ZZEF1: variants seen among roughly 807,000 people sequenced by gnomAD.
The protein encoded by ZZEF1 is zinc finger ZZ-type and EF-hand domain-containing protein 1.
ZZEF1 carries 157 observed loss-of-function variants against 342.8 expected under a neutral mutation model. The observed-to-expected ratio is 0.46, with a 90% confidence interval of 0.40 to 0.52. The LOEUF is 0.52. Among genes scored for constraint, ZZEF1 ranks in the 20% least tolerant of loss-of-function variants. The pLI is 0.00. For synonymous variants in ZZEF1, 1,505 were observed against 1,429.1 expected, an observed-to-expected ratio of 1.05 and a Z score of -1.20; for missense variants, 3,480 against 3,725.6, an observed-to-expected ratio of 0.93 and a Z score of 1.72.
At chr17:4,047,478 T>C (rs964370330) in intron 37 of ZZEF1, among the ~76,000 whole-genome samples, 6 of 151,902 alleles carry the variant, frequency 3.9e-5, no homozygotes, top group Non-Finnish European at 7.4e-5. Flanking sequence ...ACCCCATCCC[T>C]ACAAAAACTA....
intron 29 of ZZEF1, among the ~76,000 whole-genome samples, chr17:4,064,150 A>G (rs2057343021): frequency 6.6e-6 from 1 of 151,694 alleles, no homozygotes; most frequent in Non-Finnish European, 1.5e-5. Flanking sequence ...CAAACTGCTG[A>G]GATTATAGGC....
chr17:4,027,448 C>T (rs2056436404), intron 42 of ZZEF1, among the ~76,000 whole-genome samples: 1 of 151,734 alleles, frequency 6.6e-6, no homozygotes, highest in East Asian at 1.9e-4. Context: ...GCGCACACCA[C>T]CACGTGTGGC....
At chr17:4,128,455 G>GT (rs1219337491) in intron 1 of ZZEF1, among the ~76,000 whole-genome samples, 8 of 49,592 alleles carry the variant, frequency 1.6e-4, no homozygotes, top group South Asian at 2.0e-3. Flanking sequence ...TTTTTCTAAA[G>GT]TTGTTTTTTT....
intron 39 of ZZEF1, among the ~76,000 whole-genome samples, chr17:4,040,438 T>C (rs1338122730): frequency 6.6e-6 from 1 of 152,110 alleles, no homozygotes; most frequent in Admixed American, 6.6e-5. Flanking sequence ...AACCAAGTGA[T>C]CCAGAGCTAA....
chr17:4,059,895 C>T (rs756587451), intron 30 of ZZEF1, among the ~76,000 whole-genome samples: 23 of 152,214 alleles, frequency 1.5e-4, no homozygotes, highest in Non-Finnish European at 3.2e-4. Flanking sequence ...CTACTCTGAC[C>T]CCAGCTCTCC....
rs910148055 is a variant in ZZEF1 at position 4,014,606 on chromosome 17, G to A, written c.8146-91C>T. ...CATGCCGAGTCCTGTGGCTGGACCC[G>A]GGTGTGTGAGAATGAGTGAACCACA... On this transcript the variant is annotated intron_variant, in intron 49 of 54. Transcript: ENST00000381638. The surrounding 1 kb of genome is among the most constrained non-coding windows in gnomAD (Gnocchi z 4.4). 1.7e-5 allele frequency: 24 copies of A among 1,392,004 alleles called. No individual in the cohort carries two copies. Among genetic ancestry groups the A allele is most frequent in the Non-Finnish European group, 2.0e-5 (20 of 995,564 alleles). 86.2% of individuals were successfully genotyped at this position (1,392,004 alleles called of 1,614,324 possible).
intron 41 of ZZEF1, 64 bp downstream of exon 41, chr17:4,032,764 C>T: frequency 1.3e-6 from 2 of 1,555,920 alleles, no homozygotes; most frequent in Non-Finnish European, 1.8e-6. Flanking sequence ...GCCACAGAGG[C>T]TTTGGTGTGT....
rs376409947 is a variant in ZZEF1, at chr17:4,076,740, A to C, written c.3131T>G (p.Phe1044Cys). 6.2e-7 allele frequency: 1 copy of C among 1,610,862 alleles called. No individual in the cohort carries two copies. Among genetic ancestry groups the C allele is most frequent in the African/African-American group, 1.3e-5 (1 of 74,494 alleles). Reference sequence around the variant, plus strand: ...GCAGTGTGGGATGTCTAAAGTGCAGAAGTCCAGCAGGAAGATAACCTAATG... The same window carrying C: ...GCAGTGTGGGATGTCTAAAGTGCAGCAGTCCAGCAGGAAGATAACCTAATG... ...ARQLVIFLLD[F>C]CTLDIPHCVL... Residue 1044 changes from phenylalanine (F) to cysteine (C), a missense_variant, in exon 21 of 55, where the codon TTC becomes TGC. This residue lies in a region of ZZEF1 where 1,528 missense variants were observed against 1,624.1 expected (regional missense o/e 0.94). Coordinates refer to ENST00000381638, the MANE Select transcript of ZZEF1 (RefSeq NM_015113.4).
chr17:4,086,288 AATCCCTTTCTGGGGGATTCCCACAGCG>A (rs1567828238), intron 15 of ZZEF1, among the ~76,000 whole-genome samples, 171 bp downstream of exon 15: 11 of 26,576 alleles, frequency 4.1e-4, no homozygotes, highest in African/African-American at 9.6e-4. Flanking sequence ...CCACAGCGGC[AATCCCTTTCTGGGGGATTCCCACAGCG>A]GCAATCCCTT....
At chr17:4,105,893 A>C (rs1182347234) in intron 6 of ZZEF1, 84 bp from the exon 7 acceptor site, 2 of 1,080,080 alleles carry the variant, frequency 1.9e-6, no homozygotes, top group African/African-American at 3.2e-5. Flanking sequence ...GCTTGTTTTG[A>C]CTAATCCCTT....
intron 37 of ZZEF1, among the ~76,000 whole-genome samples, chr17:4,045,549 A>G (rs1186368348): frequency 6.6e-6 from 1 of 152,204 alleles, no homozygotes; most frequent in Admixed American, 6.5e-5. Flanking sequence ...GAAATATGAC[A>G]TTGTTTTCAC....
chr17:4,136,419 G>A (rs2145613109), intron 1 of ZZEF1, among the ~76,000 whole-genome samples: 1 of 152,044 alleles, frequency 6.6e-6, no homozygotes, highest in South Asian at 2.1e-4. Context: ...CAGTAACACT[G>A]CCAATTACAA....
At chr17:4,022,608 G>A in intron 44 of ZZEF1, 101 bp downstream of exon 44, 1 of 1,555,782 alleles carries the variant, frequency 6.4e-7, no homozygotes, top group Non-Finnish European at 8.8e-7. Flanking sequence ...CTAAAGGAGT[G>A]TGCACAGGGC....
At chr17:4,126,680 T>C (rs2058578455) in intron 1 of ZZEF1, among the ~76,000 whole-genome samples, 1 of 152,178 alleles carries the variant, frequency 6.6e-6, no homozygotes, top group African/African-American at 2.4e-5. Flanking sequence ...CTGGGCCAGG[T>C]GTGCTGGCTC....
At chr17:4,086,411 C>A in intron 15 of ZZEF1, 75 bp downstream of exon 15, 1 of 1,486,502 alleles carries the variant, frequency 6.7e-7, no homozygotes, top group Non-Finnish European at 9.2e-7. Context: ...CGTAGGACAG[C>A]CCTCTTCTCT....
At chr17:4,033,156 G>A in intron 40 of ZZEF1, 154 bp from the exon 41 acceptor site, 1 of 684,012 alleles carries the variant, frequency 1.5e-6, no homozygotes, top group East Asian at 2.7e-5. Flanking sequence ...GTATAATGGT[G>A]AGTAAAAGAG....
chr17:4,038,348 T>C (rs1043758620), intron 39 of ZZEF1, among the ~76,000 whole-genome samples: 1 of 152,234 alleles, frequency 6.6e-6, no homozygotes. Context: ...CTCATAGTAT[T>C]GTCTGGAGTA....
intron 33 of ZZEF1, among the ~76,000 whole-genome samples, chr17:4,055,784 C>T (rs2057144731): frequency 6.6e-6 from 1 of 152,174 alleles, no homozygotes. Flanking sequence ...AAAGGTTAAA[C>T]ACCAGACGCT....
chr17:4,017,439 C>T lies in ZZEF1; in HGVS notation c.7933G>A (p.Gly2645Ser), dbSNP rs1410433098. The T allele has an allele frequency of 6.2e-7, 1 of 1,613,952 alleles. No homozygotes were observed. Among genetic ancestry groups the T allele is most frequent in the Admixed American group, 1.7e-5 (1 of 60,028 alleles). The change falls in exon 48 of 55, where the codon GGC becomes AGC. Residue 2645 changes from glycine to serine, a missense_variant. Gly to Ser is a moderately conservative substitution (Grantham distance 56, BLOSUM62 0). Coordinates refer to ENST00000381638, the MANE Select transcript of ZZEF1 (RefSeq NM_015113.4). The surrounding 1 kb of genome is among the most constrained non-coding windows in gnomAD (Gnocchi z 5.1). The part of the protein sequence containing the change: ...PVSEDILELS[G>S]PAHMTYILDM... ...AAAATGTAGGTCATATGGGCAGGGC[C>T]ACTGAGCTCCAGGATGTCCTCGCTC...
Sources: allele counts gnomAD v4.1 joint callset (sites outside exome capture counted in the v4.1 genomes callset), GRCh38; gene constraint gnomAD v4.1.1; regional missense constraint gnomAD v4.1.1; non-coding constraint Gnocchi (gnomAD v3.1); transcripts MANE v1.5; gene names NCBI Gene and HGNC (gene_info 2026-07-23, HGNC 2026-07-21).